FAM169A: variants seen among roughly 807,000 people sequenced by gnomAD.
FAM169A encodes soluble lamin-associated protein of 75 kDa.
Under a neutral mutation model 75.7 loss-of-function variants are expected in FAM169A, and 24 were observed. The ratio of observed to expected loss-of-function variants is 0.32; its 90% confidence interval spans 0.23 to 0.45. FAM169A has a LOEUF of 0.45. FAM169A is among the 20% of genes least tolerant of loss of function. The pLI is 1.00. For missense variants in FAM169A, 673 were observed against 784.0 expected (o/e 0.86, Z 1.69); for synonymous variants, 271 against 271.0 (o/e 1.00, Z 0.00).
chr5:74,812,352 C>T (rs1053566684), intron 6 of FAM169A, among the ~76,000 whole-genome samples: 1 of 152,074 alleles, frequency 6.6e-6, no homozygotes, highest in Admixed American at 6.6e-5. Flanking sequence ...GTCTCGAATT[C>T]CTGAGCTCAA....
chr5:74,790,284 T>C (rs1745907188), intron 11 of FAM169A, among the ~76,000 whole-genome samples: 1 of 152,210 alleles, frequency 6.6e-6, no homozygotes, highest in African/African-American at 2.4e-5. Context: ...TACAGCCCTA[T>C]AGCCCCTTTC....
chr5:74,819,695 C>T (rs573421937), intron 5 of FAM169A, among the ~76,000 whole-genome samples: 32 of 152,272 alleles, frequency 2.1e-4, no homozygotes, highest in African/African-American at 7.5e-4. Flanking sequence ...ACTGGTGTAT[C>T]TATACAAGGT....
At chr5:74,821,560 C>T (rs1006058547) in intron 5 of FAM169A, among the ~76,000 whole-genome samples, 1 of 152,184 alleles carries the variant, frequency 6.6e-6, no homozygotes, top group Non-Finnish European at 1.5e-5. Flanking sequence ...CTCAGATGAG[C>T]GAACCTGTCA....
intron 5 of FAM169A, among the ~76,000 whole-genome samples, chr5:74,831,787 G>A (rs1748324062): frequency 6.6e-6 from 1 of 152,074 alleles, no homozygotes; most frequent in Non-Finnish European, 1.5e-5. Flanking sequence ...AAATCATTTT[G>A]CTTTGTTCTG....
At chr5:74,809,365 T>C (rs1200567475) in intron 6 of FAM169A, among the ~76,000 whole-genome samples, 4 of 151,590 alleles carry the variant, frequency 2.6e-5, no homozygotes, top group African/African-American at 7.3e-5. Context: ...GAGGCCGAGG[T>C]GGGCGGATCA....
chr5:74,800,265 T>G (rs988116003), intron 10 of FAM169A, among the ~76,000 whole-genome samples: 4 of 67,388 alleles, frequency 5.9e-5, no homozygotes, highest in South Asian at 3.7e-4. Context: ...TTTTTGTTTG[T>G]TTTTTTTTTG....
intron 10 of FAM169A, chr5:74,799,053 T>A: frequency 9.7e-7 from 1 of 1,031,534 alleles, no homozygotes; most frequent in Non-Finnish European, 1.5e-6. Flanking sequence ...ACAGGGATCG[T>A]ACCCAGATTG....
chr5:74,822,042 A>G (rs1307937526), intron 5 of FAM169A, among the ~76,000 whole-genome samples: 1 of 152,196 alleles, frequency 6.6e-6, no homozygotes, highest in Non-Finnish European at 1.5e-5. Flanking sequence ...CTAGCTTCTA[A>G]GAGTGCCAAA....
At chr5:74,789,411 C>A (rs1385329236) in intron 11 of FAM169A, among the ~76,000 whole-genome samples, 1 of 152,192 alleles carries the variant, frequency 6.6e-6, no homozygotes, top group Non-Finnish European at 1.5e-5. Flanking sequence ...CTACTACAAC[C>A]AAGAAAGAGG....
At chr5:74,840,261 T>C in intron 2 of FAM169A, 88 bp from the exon 3 acceptor site, 1 of 535,702 alleles carries the variant, frequency 1.9e-6, no homozygotes, top group South Asian at 4.0e-5. Context: ...TAGTAAATAT[T>C]TCCTACGTTA....
intron 5 of FAM169A, among the ~76,000 whole-genome samples, chr5:74,815,928 A>G (rs553542407): frequency 2.6e-5 from 4 of 152,346 alleles, no homozygotes; most frequent in Admixed American, 6.5e-5. Context: ...CATATCATCA[A>G]GAAATAATCA....
At chr5:74,793,437 C>T (rs898001672) in intron 11 of FAM169A, among the ~76,000 whole-genome samples, 2 of 151,824 alleles carry the variant, frequency 1.3e-5, no homozygotes, top group African/African-American at 2.4e-5. Context: ...GACCATTATT[C>T]TAAGTGGAGT....
At chr5:74,846,961 G>C (rs1053248770) in intron 1 of FAM169A, among the ~76,000 whole-genome samples, 1 of 152,128 alleles carries the variant, frequency 6.6e-6, no homozygotes, top group South Asian at 2.1e-4. Flanking sequence ...TAAGTCCACT[G>C]ATCTTTCCTC....
intron 4 of FAM169A, 116 bp downstream of exon 4, chr5:74,838,849 G>T: frequency 2.6e-6 from 2 of 766,318 alleles, no homozygotes; most frequent in South Asian, 1.6e-5. Context: ...AAATTCTAGG[G>T]TTTAATATAA....
intron 8 of FAM169A, among the ~76,000 whole-genome samples, chr5:74,803,946 A>T (rs1746719529): frequency 6.6e-6 from 1 of 152,164 alleles, no homozygotes; most frequent in African/African-American, 2.4e-5. Flanking sequence ...TCATTTAAAA[A>T]TGTTAAAAAT....
chr5:74,790,941 G>A (rs1420785746), intron 11 of FAM169A, among the ~76,000 whole-genome samples: 1 of 152,182 alleles, frequency 6.6e-6, no homozygotes, highest in Non-Finnish European at 1.5e-5. Context: ...CTCTGGATAT[G>A]AGTTTGCCTC....
intron 10 of FAM169A, 126 bp from the exon 11 acceptor site, chr5:74,796,312 G>A (rs1561292861): frequency 1.3e-6 from 1 of 768,198 alleles, no homozygotes. Flanking sequence ...GATTTTACAA[G>A]TCTAAAACCA....
intron 11 of FAM169A, among the ~76,000 whole-genome samples, chr5:74,786,569 T>C (rs530983738): frequency 6.6e-6 from 1 of 152,312 alleles, no homozygotes; most frequent in Non-Finnish European, 1.5e-5. Flanking sequence ...CATAATACCT[T>C]TGACCATATG....
Position 74,838,951 on chromosome 5 carries a change from G to C in FAM169A, c.318+14C>G. The C allele has an allele frequency of 1.3e-6, 2 of 1,588,052 alleles. No homozygotes were observed. The highest frequency in any genetic ancestry group is 1.7e-6 in the Non-Finnish European group (2 of 1,156,344). Reference sequence around the variant, plus strand: ...GCCTCAAAAGAAACACTCAAAATTAGAGGATCTTGTTACCTGCTTAAGCCC... The same window carrying C: ...GCCTCAAAAGAAACACTCAAAATTACAGGATCTTGTTACCTGCTTAAGCCC... On this transcript the variant is annotated intron_variant, in intron 4 of 12. Coordinates refer to ENST00000687041, the MANE Select transcript of FAM169A (RefSeq NM_001376049.1).
Sources: gnomAD v4.1 joint callset for allele counts (sites outside exome capture counted in the v4.1 genomes callset) on GRCh38, gnomAD v4.1.1 for gene constraint, MANE v1.5 for transcripts, NCBI Gene and HGNC (gene_info 2026-07-23, HGNC 2026-07-21) for gene names.